Variants in CLSTN2 observed in about 807,000 individuals in gnomAD.
CLSTN2 encodes calsyntenin-2.
A neutral mutation model predicts 101.2 loss-of-function variants in CLSTN2; 48 were observed. That is an observed-to-expected ratio of 0.47 (90% CI 0.38 to 0.60). The LOEUF (loss-of-function observed/expected upper bound fraction) is 0.60, where lower values mean the gene tolerates loss of function less well. CLSTN2 is among the 20% of genes least tolerant of loss of function. The pLI, the probability that CLSTN2 is intolerant of heterozygous loss-of-function variation, is 0.00. For missense variants in CLSTN2, 1,160 were observed against 1,238.2 expected (o/e 0.94, Z 0.95); for synonymous variants, 481 against 463.6 (o/e 1.04, Z -0.48).
At chr3:140,214,913 A>G (rs1267137114) in intron 2 of CLSTN2, among the ~76,000 whole-genome samples, 1 of 152,250 alleles carries the variant, frequency 6.6e-6, no homozygotes, top group East Asian at 1.9e-4. Context: ...AATTTAGACT[A>G]TTATATGCAC....
At chr3:140,022,518 G>C (rs1416414095) in intron 1 of CLSTN2, among the ~76,000 whole-genome samples, 2 of 152,232 alleles carry the variant, frequency 1.3e-5, no homozygotes, top group Non-Finnish European at 2.9e-5. Flanking sequence ...CACAAATGCT[G>C]TGAGGCTGAA....
intron 1 of CLSTN2, among the ~76,000 whole-genome samples, chr3:140,019,951 T>TGG (rs2007274253): frequency 6.6e-6 from 1 of 152,052 alleles, no homozygotes; most frequent in Admixed American, 6.5e-5. Flanking sequence ...GAATGTTCTG[T>TGG]GGGGCATGTC....
chr3:140,561,091 T>A (rs528486596), intron 12 of CLSTN2, among the ~76,000 whole-genome samples: 8 of 152,110 alleles, frequency 5.3e-5, no homozygotes, highest in East Asian at 3.9e-4. Flanking sequence ...GTGAATTTTT[T>A]AAATTTCTGT....
intron 1 of CLSTN2, among the ~76,000 whole-genome samples, chr3:140,041,980 A>G (rs1201372501): frequency 6.6e-6 from 1 of 152,226 alleles, no homozygotes; most frequent in Non-Finnish European, 1.5e-5. Flanking sequence ...ATTTTCATAC[A>G]TAATGGCTGT....
chr3:139,941,831 T>C (rs1935136543), intron 1 of CLSTN2, among the ~76,000 whole-genome samples: 1 of 152,316 alleles, frequency 6.6e-6, no homozygotes, highest in African/African-American at 2.4e-5. Flanking sequence ...AAACAGTGAA[T>C]GTTTATTGAG....
At chr3:140,219,574 T>G (rs36101988) in intron 2 of CLSTN2, among the ~76,000 whole-genome samples, 1 of 152,134 alleles carries the variant, frequency 6.6e-6, no homozygotes, top group Non-Finnish European at 1.5e-5. Flanking sequence ...TCGGAGCGAG[T>G]GTATCTTGCT....
At chr3:140,180,384 C>T (rs2010390253) in intron 2 of CLSTN2, among the ~76,000 whole-genome samples, 2 of 152,196 alleles carry the variant, frequency 1.3e-5, no homozygotes, top group African/African-American at 4.8e-5. Context: ...AGTGAAACCT[C>T]CCTCAGACTT....
chr3:139,979,206 C>T (rs560278863), intron 1 of CLSTN2, among the ~76,000 whole-genome samples: 8 of 152,068 alleles, frequency 5.3e-5, no homozygotes, highest in East Asian at 1.9e-4. Context: ...TGTGGGCCTC[C>T]GTGCCTTTCC....
intron 1 of CLSTN2, among the ~76,000 whole-genome samples, chr3:140,045,322 G>A (rs1171599425): frequency 1.3e-5 from 2 of 151,934 alleles, no homozygotes; most frequent in Admixed American, 6.6e-5. Flanking sequence ...TTGCATGGAG[G>A]TACCATTCTC....
chr3:140,290,782 T>C (rs1238886751), intron 2 of CLSTN2, among the ~76,000 whole-genome samples: 3 of 152,206 alleles, frequency 2.0e-5, no homozygotes, highest in Admixed American at 2.0e-4. Context: ...TACTCCTCTA[T>C]CTGATGACCC....
At chr3:140,343,160 C>A (rs2087508385) in intron 2 of CLSTN2, among the ~76,000 whole-genome samples, 1 of 152,134 alleles carries the variant, frequency 6.6e-6, no homozygotes, top group African/African-American at 2.4e-5. Flanking sequence ...TGGCTCTTGG[C>A]TCTTATCTCC....
rs183317948 is a variant in CLSTN2, at chr3:140,557,250, G to T, written c.1823+589G>T. Among the ~76,000 whole-genome samples, 175 of 152,268 alleles carry T rather than the reference G, an allele frequency of 1.1e-3. 6 individuals are homozygous for T. The highest frequency in any genetic ancestry group is 0.011 in the Admixed American group (173 of 15,300). ...GGAGGGGGATCCCAGAAAATTCCTG[G>T]AAGGTAGAAGTGCAGTCATGCTGCA... On this transcript the variant is annotated intron_variant, in intron 11 of 16. Coordinates refer to ENST00000458420, the MANE Select transcript of CLSTN2 (RefSeq NM_022131.3).
chr3:140,316,582 C>T (rs2087233672), intron 2 of CLSTN2, among the ~76,000 whole-genome samples: 1 of 152,144 alleles, frequency 6.6e-6, no homozygotes. Context: ...CCATTTTAAT[C>T]ATCAGTTCAT....
chr3:140,100,111 T>A lies in CLSTN2; in HGVS notation c.110-75840T>A, dbSNP rs567571678. ...CATACATGGGCTGGATTACCCTTTTTAAAATCCAACATTATCCTCTGTAAG... is the reference window on the plus strand; with the variant it reads ...CATACATGGGCTGGATTACCCTTTTAAAAATCCAACATTATCCTCTGTAAG... On this transcript the variant is annotated intron_variant, in intron 1 of 16. Transcript: ENST00000458420. Among the ~76,000 whole-genome samples the A allele has an allele frequency of 5.9e-5, 9 of 152,196 alleles. No homozygotes were observed. The South Asian group carries it at 1.9e-3, about 32-fold the overall frequency.
intron 10 of CLSTN2, among the ~76,000 whole-genome samples, chr3:140,555,226 A>T (rs28474822): frequency 0.18 from 27,321 of 152,162 alleles, 3,286 homozygotes; most frequent in African/African-American, 0.34. Context: ...TATGAATCAA[A>T]CAATATTTCT....
At chr3:139,955,384 A>G (rs1935374895) in intron 1 of CLSTN2, among the ~76,000 whole-genome samples, 1 of 151,974 alleles carries the variant, frequency 6.6e-6, no homozygotes, top group Non-Finnish European at 1.5e-5. Context: ...GGATATAAAA[A>G]CCTGGCATAC....
intron 8 of CLSTN2, among the ~76,000 whole-genome samples, chr3:140,518,611 A>G (rs1314632331): frequency 6.6e-6 from 1 of 152,150 alleles, no homozygotes; most frequent in Non-Finnish European, 1.5e-5. Flanking sequence ...CCAGGGGCAG[A>G]TGATTCCTTT....
At chr3:140,433,584 G>A (rs3912204) in intron 5 of CLSTN2, among the ~76,000 whole-genome samples, 23,283 of 152,174 alleles carry the variant, frequency 0.15, 2,308 homozygotes, top group South Asian at 0.31. Context: ...TGCAGGCTCC[G>A]AAGCCAGAAA....
chr3:140,234,947 C>T (rs2086403724), intron 2 of CLSTN2, among the ~76,000 whole-genome samples: 1 of 152,186 alleles, frequency 6.6e-6, no homozygotes, highest in Non-Finnish European at 1.5e-5. Context: ...TGGCTACCGC[C>T]ACAGAGTTCC....
Sources: gnomAD v4.1 joint callset for allele counts (sites outside exome capture counted in the v4.1 genomes callset) on GRCh38, gnomAD v4.1.1 for gene constraint, MANE v1.5 for transcripts, NCBI Gene and HGNC (gene_info 2026-07-23, HGNC 2026-07-21) for gene names.